GRAMD1B: variants seen among roughly 807,000 people sequenced by gnomAD.
GRAMD1B encodes the protein protein Aster-B.
A neutral mutation model predicts 99.7 loss-of-function variants in GRAMD1B; 37 were observed. That is an observed-to-expected ratio of 0.37 (90% CI 0.29 to 0.49). The LOEUF is 0.49. Among genes scored for constraint, GRAMD1B ranks in the 20% least tolerant of loss-of-function variants. The probability of loss-of-function intolerance (pLI) is 0.98; values close to 1 mark genes in which losing one functional copy is unlikely to be tolerated. For missense variants in GRAMD1B, 888 were observed against 1,009.2 expected (o/e 0.88, Z 1.63); for synonymous variants, 427 against 387.6 (o/e 1.10, Z -1.19).
intron 6 of GRAMD1B, among the ~76,000 whole-genome samples, 182 bp downstream of exon 6, chr11:123,595,020 G>A (rs1415847832): frequency 6.6e-6 from 1 of 152,164 alleles, no homozygotes; most frequent in Non-Finnish European, 1.5e-5. Flanking sequence ...CCTCTGCCAT[G>A]TCTTCCCCTC....
intron 7 of GRAMD1B, 108 bp downstream of exon 7, chr11:123,596,145 T>A: frequency 1.5e-6 from 1 of 649,312 alleles, no homozygotes; most frequent in Admixed American, 2.7e-5. Context: ...AGGATTGGGA[T>A]GAGAGGCGCT....
Position 123,566,659 on chromosome 11 carries a change from G to A in GRAMD1B, c.453-10708G>A, listed in dbSNP as rs186332962. Among the ~76,000 whole-genome samples, 482 of 152,210 alleles carry A rather than the reference G, an allele frequency of 3.2e-3. 5 individuals are homozygous for A. Among genetic ancestry groups the A allele is most frequent in the Admixed American group, 0.012 (178 of 15,304 alleles). On this transcript the variant is annotated intron_variant, in intron 2 of 19. Transcript: ENST00000635736. ...CGGGCGCCTGTAGTCCCAGCTATTC[G>A]GGAGGCTGAGGCAGGAGAATGGTGT...
At chr11:123,603,045 C>T (rs374995435) in intron 8 of GRAMD1B, among the ~76,000 whole-genome samples, 43 of 152,318 alleles carry the variant, frequency 2.8e-4, no homozygotes, top group African/African-American at 9.9e-4. Context: ...ATTCAGAGTG[C>T]TAATCAGAAG....
At chr11:123,560,192 CGTGTGCGT>C (rs1946580654) in intron 2 of GRAMD1B, 1 of 1,007,460 alleles carries the variant, frequency 9.9e-7, no homozygotes. Flanking sequence ...CGTGTGTGCG[CGTGTGCGT>C]GTCTGCGCGC....
At chr11:123,540,075 CT>C (rs57006285) in intron 2 of GRAMD1B, among the ~76,000 whole-genome samples, 2,127 of 144,034 alleles carry the variant, frequency 0.015, 44 homozygotes, top group African/African-American at 0.044. Context: ...TTCTATCTTC[CT>C]TTTTTTTTTT....
At chr11:123,377,276 G>T (rs1946719988) in intron 1 of GRAMD1B, among the ~76,000 whole-genome samples, 1 of 152,158 alleles carries the variant, frequency 6.6e-6, no homozygotes, top group South Asian at 2.1e-4. Context: ...AAAATCCAAA[G>T]ATAAATGCTT....
intron 2 of GRAMD1B, among the ~76,000 whole-genome samples, chr11:123,519,341 G>C (rs1027030925): frequency 6.6e-6 from 1 of 152,188 alleles, no homozygotes; most frequent in South Asian, 2.1e-4. Flanking sequence ...GCACCTGATC[G>C]GGGTGCAGCC....
chr11:123,605,322 A>G lies in GRAMD1B; in HGVS notation c.1167A>G (p.Gly389=). The G allele has an allele frequency of 1.9e-6, 3 of 1,604,702 alleles. No individual in the cohort carries two copies. The highest frequency in any genetic ancestry group is 1.1e-5 in the South Asian group (1 of 89,584). ...VPPDDDFNTM[G]YCEEIPVEEN... is the part of the protein sequence containing the mutation. ...TGGACTCACTGGTGTCTCCTCTCAG[A>G]TACTGTGAAGAGATCCCTGTGGAAG... Residue 389 remains glycine, a splice_region_variant and synonymous_variant, in exon 10 of 20, where the codon GGA becomes GGG. Transcript: ENST00000635736.
intron 2 of GRAMD1B, among the ~76,000 whole-genome samples, chr11:123,487,630 A>G (rs1355630329): frequency 1.3e-5 from 2 of 152,198 alleles, no homozygotes; most frequent in South Asian, 2.1e-4. Flanking sequence ...TTTTAGAGAC[A>G]GTCTTGCTTT....
At chr11:123,468,680 C>T (rs1950828782) in intron 1 of GRAMD1B, among the ~76,000 whole-genome samples, 1 of 151,394 alleles carries the variant, frequency 6.6e-6, no homozygotes, top group Middle Eastern at 3.2e-3. Flanking sequence ...CTGTATAGTC[C>T]CAGCTACTCA....
At chr11:123,429,117 C>T (rs1440115016), upstream of GRAMD1B, among the ~76,000 whole-genome samples, 1 of 152,132 alleles carries the variant, frequency 6.6e-6, no homozygotes, top group Non-Finnish European at 1.5e-5. This position sits in a 1 kb window ranked among gnomAD's most constrained non-coding sequence, Gnocchi z 4.0. Flanking sequence ...AGCTTGAGCC[C>T]AGGAATTCAA....
intron 1 of GRAMD1B, chr11:123,381,620 A>G (rs989795406): frequency 1.3e-5 from 2 of 152,454 alleles, no homozygotes; most frequent in Non-Finnish European, 2.9e-5. Flanking sequence ...AGGTTCTAAT[A>G]TATAGGTTGA....
At position 123,431,350 on chromosome 11, in the gene GRAMD1B, C is replaced by A. The variant is rs370507511; in HGVS notation, c.374+184C>A. On this transcript the variant is annotated intron_variant, in intron 1 of 19. Coordinates refer to ENST00000635736, the MANE Select transcript of GRAMD1B (RefSeq NM_001387025.1). ...GCATTCAGCTTCCACGCGTGCCACC[C>A]GCTCCCCAACTCAGGGTGAGGGGCT... Among the ~76,000 whole-genome samples the A allele has an allele frequency of 6.6e-5, 10 of 152,362 alleles. No individual in the cohort carries two copies. In the East Asian group the frequency reaches 1.5e-3, roughly 23 times the overall value.
At chr11:123,420,836 A>G (rs1305796364) in intron 1 of GRAMD1B, among the ~76,000 whole-genome samples, 2 of 152,262 alleles carry the variant, frequency 1.3e-5, no homozygotes, top group Non-Finnish European at 2.9e-5. Context: ...GAGTTTCCTC[A>G]TCACTACAAT....
chr11:123,539,531 G>A (rs1944303864), intron 2 of GRAMD1B, among the ~76,000 whole-genome samples: 1 of 152,054 alleles, frequency 6.6e-6, no homozygotes, highest in East Asian at 1.9e-4. Flanking sequence ...TGAGCCAGGA[G>A]GTTGAGGTTT....
intron 2 of GRAMD1B, chr11:123,526,104 C>A (rs369092038): frequency 2.5e-6 from 4 of 1,587,820 alleles, no homozygotes; most frequent in East Asian, 2.2e-5. Flanking sequence ...GGAGCTGTAA[C>A]GGGGATGCTA....
At chr11:123,497,677 C>T (rs906641912) in intron 2 of GRAMD1B, among the ~76,000 whole-genome samples, 6 of 151,942 alleles carry the variant, frequency 3.9e-5, no homozygotes, top group Admixed American at 1.3e-4. Flanking sequence ...CTGAGGCAGG[C>T]GGATCATGAG....
At chr11:123,503,649 G>A (rs901471701) in intron 2 of GRAMD1B, among the ~76,000 whole-genome samples, 1 of 151,858 alleles carries the variant, frequency 6.6e-6, no homozygotes, top group Non-Finnish European at 1.5e-5. Context: ...CGGGTTCAAG[G>A]CATGCTCCTG....
chr11:123,413,424 G>A (rs1050719912), intron 1 of GRAMD1B, among the ~76,000 whole-genome samples: 1 of 152,102 alleles, frequency 6.6e-6, no homozygotes, highest in Non-Finnish European at 1.5e-5. Flanking sequence ...ATCGGAGAGA[G>A]AACTGATCAA....
Sources: gnomAD v4.1 joint callset for allele counts (sites outside exome capture counted in the v4.1 genomes callset) on GRCh38, gnomAD v4.1.1 for gene constraint, Gnocchi (gnomAD v3.1) non-coding constraint, MANE v1.5 for transcripts, NCBI Gene and HGNC (gene_info 2026-07-23, HGNC 2026-07-21) for gene names.